Variants in SGCD observed in about 807,000 individuals in gnomAD.
SGCD encodes delta-sarcoglycan.
SGCD carries 18 observed loss-of-function variants against 36.6 expected under a neutral mutation model. That is an observed-to-expected ratio of 0.49 (90% CI 0.34 to 0.73). The LOEUF is 0.73. Ranked by LOEUF, SGCD falls within the 30% of genes least tolerant of loss-of-function variation. The pLI is 0.01. For missense variants in SGCD, 387 were observed against 346.7 expected, an observed-to-expected ratio of 1.12 and a Z score of -0.92; for synonymous variants, 133 against 130.6, an observed-to-expected ratio of 1.02 and a Z score of -0.12.
intron 3 of SGCD, among the ~76,000 whole-genome samples, chr5:156,192,362 T>C (rs962760636): frequency 2.0e-5 from 3 of 152,278 alleles, no homozygotes; most frequent in East Asian, 3.9e-4. Context: ...AAGTGAAATA[T>C]GCCAGGTACA....
At chr5:155,909,725 G>A (rs1282300236) in intron 1 of SGCD, among the ~76,000 whole-genome samples, 3 of 152,128 alleles carry the variant, frequency 2.0e-5, no homozygotes, top group African/African-American at 7.2e-5. Flanking sequence ...TGAATTTTGA[G>A]TGCATCTTTT....
At chr5:156,532,980 C>T (rs776276564) in intron 4 of SGCD, among the ~76,000 whole-genome samples, 1 of 152,184 alleles carries the variant, frequency 6.6e-6, no homozygotes, top group African/African-American at 2.4e-5. Flanking sequence ...ATCTAATACT[C>T]CAACCCAGGT....
intron 3 of SGCD, among the ~76,000 whole-genome samples, chr5:156,275,360 G>T (rs76414420): frequency 0.014 from 2,131 of 152,262 alleles, 23 homozygotes; most frequent in Non-Finnish European, 0.024. Flanking sequence ...AATGTCAGTT[G>T]TTAAAGTTTA....
intron 3 of SGCD, among the ~76,000 whole-genome samples, chr5:156,139,752 C>T (rs1181478689): frequency 6.6e-6 from 1 of 152,140 alleles, no homozygotes; most frequent in Non-Finnish European, 1.5e-5. Flanking sequence ...AAACTGGTAG[C>T]ATGGAAGAGA....
intron 1 of SGCD, among the ~76,000 whole-genome samples, chr5:155,872,757 G>C (rs1755681877): frequency 6.6e-6 from 1 of 152,144 alleles, no homozygotes; most frequent in Admixed American, 6.5e-5. Flanking sequence ...TGGTCTGTTA[G>C]TAGACTGCCA....
intron 1 of SGCD, among the ~76,000 whole-genome samples, chr5:156,053,018 A>T (rs1759963083): frequency 6.8e-6 from 1 of 146,374 alleles, no homozygotes; most frequent in Non-Finnish European, 1.5e-5. Context: ...TGCCTCGTCC[A>T]CAGCAAACAG....
chr5:156,027,422 A>C (rs4704935), intron 1 of SGCD, among the ~76,000 whole-genome samples: 2 of 152,094 alleles, frequency 1.3e-5, no homozygotes. Context: ...AAATGGAATA[A>C]TGCCAATACA....
At chr5:155,750,370 T>C in the SGCD span, among the ~76,000 whole-genome samples, 2 of 152,194 alleles carry the variant, frequency 1.3e-5, no homozygotes, top group South Asian at 2.1e-4. Flanking sequence ...TGTCATTCCA[T>C]AGGGGAGAGA....
At chr5:156,137,596 TA>T (rs1762489744) in intron 3 of SGCD, among the ~76,000 whole-genome samples, 1 of 152,160 alleles carries the variant, frequency 6.6e-6, no homozygotes, top group Non-Finnish European at 1.5e-5. Context: ...TATACTAGAT[TA>T]AAAATATGTG....
intron 3 of SGCD, among the ~76,000 whole-genome samples, chr5:156,161,193 G>A (rs1019115607): frequency 6.6e-6 from 1 of 151,636 alleles, no homozygotes; most frequent in South Asian, 2.1e-4. Flanking sequence ...ATCAAAGATC[G>A]GGAATTTTTG....
At chr5:155,918,237 A>G (rs1172823569) in intron 1 of SGCD, among the ~76,000 whole-genome samples, 1 of 152,248 alleles carries the variant, frequency 6.6e-6, no homozygotes, top group Non-Finnish European at 1.5e-5. Flanking sequence ...AAGCTAATCC[A>G]TAAATGAAGA....
At chr5:155,997,096 A>G (rs1397778452) in intron 1 of SGCD, among the ~76,000 whole-genome samples, 5 of 152,246 alleles carry the variant, frequency 3.3e-5, no homozygotes, top group Non-Finnish European at 7.3e-5. Context: ...AAATTGTGTG[A>G]GAAGACTGGG....
intron 2 of SGCD, among the ~76,000 whole-genome samples, chr5:156,119,641 A>G (rs1438594848): frequency 6.6e-6 from 1 of 152,030 alleles, no homozygotes; most frequent in Non-Finnish European, 1.5e-5. Flanking sequence ...CCTTTCCCCC[A>G]GCACACTTCT....
chr5:155,788,560 A>C, the SGCD span, among the ~76,000 whole-genome samples: 6 of 152,194 alleles, frequency 3.9e-5, no homozygotes, highest in African/African-American at 1.4e-4. Flanking sequence ...GCTAGGTTAT[A>C]GAGATCAATC....
chr5:156,284,622 G>A (rs957523391), intron 3 of SGCD, among the ~76,000 whole-genome samples: 2 of 151,994 alleles, frequency 1.3e-5, no homozygotes, highest in African/African-American at 2.4e-5. Context: ...AAATTCAACA[G>A]CCCTTCATGC....
chr5:155,851,732 C>T, the SGCD span, among the ~76,000 whole-genome samples: 18,635 of 152,088 alleles, frequency 0.12, 2,405 homozygotes, highest in African/African-American at 0.32. Flanking sequence ...TTTCACCTGC[C>T]TAGAATCCAT....
intron 3 of SGCD, among the ~76,000 whole-genome samples, chr5:156,150,411 C>A (rs1023721069): frequency 6.6e-6 from 1 of 151,666 alleles, no homozygotes; most frequent in African/African-American, 2.4e-5. Context: ...TGCCCTAATT[C>A]TTTCATGTTG....
intron 3 of SGCD, among the ~76,000 whole-genome samples, chr5:156,141,825 G>A (rs960273658): frequency 2.0e-5 from 3 of 152,102 alleles, no homozygotes; most frequent in Non-Finnish European, 2.9e-5. Flanking sequence ...TCTGTAACAG[G>A]GAGAGAAGTA....
intron 3 of SGCD, among the ~76,000 whole-genome samples, chr5:156,445,845 CACAA>C (rs1753734775): frequency 6.6e-6 from 1 of 152,128 alleles, no homozygotes; most frequent in Admixed American, 6.6e-5. Context: ...CCCATGCACA[CACAA>C]ACACTGTGTT....
Sources: allele counts gnomAD v4.1 joint callset (sites outside exome capture counted in the v4.1 genomes callset), GRCh38; gene constraint gnomAD v4.1.1; transcripts MANE v1.5; gene names NCBI Gene and HGNC (gene_info 2026-07-23, HGNC 2026-07-21).